LDB2: variants seen among roughly 807,000 people sequenced by gnomAD.
The protein encoded by LDB2 is LIM domain-binding protein 2.
LDB2 carries 12 observed loss-of-function variants against 44.3 expected under a neutral mutation model. The observed-to-expected ratio is 0.27, with a 90% CI of 0.17 to 0.44. The LOEUF (loss-of-function observed/expected upper bound fraction) is 0.44. Among genes scored for constraint, LDB2 ranks in the 20% least tolerant of loss-of-function variants. The probability of loss-of-function intolerance (pLI) is 1.00; values close to 1 mark genes in which losing one functional copy is unlikely to be tolerated. For missense variants in LDB2, 344 were observed against 473.5 expected (o/e 0.73, Z 2.54); for synonymous variants, 164 against 174.8 (o/e 0.94, Z 0.49).
intron 1 of LDB2, among the ~76,000 whole-genome samples, chr4:16,769,813 T>A (rs1468177302): frequency 6.6e-6 from 1 of 152,220 alleles, no homozygotes; most frequent in African/African-American, 2.4e-5. Flanking sequence ...CACTCACAAA[T>A]CAAGCCCTCC....
At chr4:16,673,054 C>T (rs937091394) in intron 2 of LDB2, among the ~76,000 whole-genome samples, 8 of 151,982 alleles carry the variant, frequency 5.3e-5, no homozygotes, top group Non-Finnish European at 2.9e-5. Context: ...CTCCCTCCAT[C>T]CTTCTTTTCT....
intron 2 of LDB2, among the ~76,000 whole-genome samples, chr4:16,601,306 A>G (rs1722519477): frequency 6.6e-6 from 1 of 152,184 alleles, no homozygotes; most frequent in South Asian, 2.1e-4. Context: ...CTGAAGTTCT[A>G]CAAGCCTTTT....
chr4:16,655,619 A>T (rs1385350677), intron 2 of LDB2, among the ~76,000 whole-genome samples: 3 of 152,192 alleles, frequency 2.0e-5, no homozygotes, highest in African/African-American at 7.2e-5. Flanking sequence ...TATCTGTTTG[A>T]TGGAGTGCAA....
rs1180998416 is a variant in LDB2 at position 16,582,337 on chromosome 4, G to C, written c.615+3585C>G. On this transcript the variant is annotated intron_variant, in intron 5 of 7. Transcript: ENST00000304523. This position sits in a 1 kb window ranked among gnomAD's most constrained non-coding sequence, Gnocchi z 4.8. ...TCCACAGCCAGGTCTCATTGACCCG[G>C]ATGGCCCAATGCGCACTAAACTGCA... 1.3e-5 allele frequency among the ~76,000 whole-genome samples: 2 copies of C among 152,206 alleles called. No individual in the cohort carries two copies. Among genetic ancestry groups the C allele is most frequent in the Non-Finnish European group, 2.9e-5 (2 of 68,034 alleles).
chr4:16,849,618 T>C (rs944713231), intron 1 of LDB2, among the ~76,000 whole-genome samples: 3 of 152,220 alleles, frequency 2.0e-5, no homozygotes, highest in Non-Finnish European at 4.4e-5. Context: ...ATGTATTAAC[T>C]CTTTGGGAGC....
At chr4:16,595,537 C>T (rs1374726161) in intron 3 of LDB2, among the ~76,000 whole-genome samples, 166 bp downstream of exon 3, 3 of 152,096 alleles carry the variant, frequency 2.0e-5, no homozygotes, top group African/African-American at 7.2e-5. Flanking sequence ...ACCGTGTTCA[C>T]CCCAAGAGTC....
At chr4:16,741,528 C>T (rs1763238753) in intron 2 of LDB2, 1 of 152,170 alleles carries the variant, frequency 6.6e-6, no homozygotes, top group Non-Finnish European at 1.5e-5. Context: ...GGCTGTGATG[C>T]ATAAGAACCT....
At chr4:16,796,972 G>A (rs975216705) in intron 1 of LDB2, among the ~76,000 whole-genome samples, 1 of 152,138 alleles carries the variant, frequency 6.6e-6, no homozygotes, top group African/African-American at 2.4e-5. Flanking sequence ...ACCCTATAGA[G>A]ACATGATGAC....
At chr4:16,681,151 A>G (rs1212028938) in intron 2 of LDB2, among the ~76,000 whole-genome samples, 1 of 152,206 alleles carries the variant, frequency 6.6e-6, no homozygotes, top group Non-Finnish European at 1.5e-5. Flanking sequence ...GAACCCTTTA[A>G]AAACAGAGTT....
At chr4:16,570,248 G>C (rs1007487024) in intron 5 of LDB2, among the ~76,000 whole-genome samples, 7 of 151,720 alleles carry the variant, frequency 4.6e-5, no homozygotes, top group African/African-American at 1.7e-4. Context: ...CGGATCACGA[G>C]GTCAGGAGAT....
intron 5 of LDB2, among the ~76,000 whole-genome samples, chr4:16,558,059 C>T (rs1183637575): frequency 6.6e-6 from 1 of 152,152 alleles, no homozygotes; most frequent in Non-Finnish European, 1.5e-5. Context: ...ACCAAAAACC[C>T]ATCTGTACAT....
intron 5 of LDB2, among the ~76,000 whole-genome samples, chr4:16,545,580 C>T (rs1735472811): frequency 6.6e-6 from 1 of 152,132 alleles, no homozygotes; most frequent in Non-Finnish European, 1.5e-5. Context: ...GAGAGCTCCC[C>T]AAAGAAGGGT....
intron 1 of LDB2, among the ~76,000 whole-genome samples, chr4:16,809,542 C>T (rs1390449955): frequency 6.6e-6 from 1 of 152,100 alleles, no homozygotes; most frequent in Non-Finnish European, 1.5e-5. Context: ...GCTGCAGTTA[C>T]CACTATGTAT....
intron 1 of LDB2, among the ~76,000 whole-genome samples, chr4:16,804,773 T>G (rs1417962821): frequency 6.6e-6 from 1 of 152,226 alleles, no homozygotes; most frequent in African/African-American, 2.4e-5. Context: ...TTATTTATTT[T>G]TTGCTGATTT....
At chr4:16,587,679 T>A (rs1452417158) in intron 4 of LDB2, among the ~76,000 whole-genome samples, 1 of 152,056 alleles carries the variant, frequency 6.6e-6, no homozygotes, top group Non-Finnish European at 1.5e-5. Flanking sequence ...TGACAACTAA[T>A]GCGTGGAGAA....
intron 5 of LDB2, among the ~76,000 whole-genome samples, chr4:16,518,591 C>T (rs1724773921): frequency 6.6e-6 from 1 of 151,918 alleles, no homozygotes; most frequent in African/African-American, 2.4e-5. Context: ...TTCTTACTGT[C>T]TATAGCTGCT....
intron 2 of LDB2, among the ~76,000 whole-genome samples, chr4:16,702,911 A>C (rs1753792303): frequency 6.6e-6 from 1 of 152,084 alleles, no homozygotes; most frequent in African/African-American, 2.4e-5. Flanking sequence ...CTCTACCCTC[A>C]TCCATGCCCC....
intron 1 of LDB2, among the ~76,000 whole-genome samples, chr4:16,863,998 C>A (rs1713728758): frequency 6.6e-6 from 1 of 152,108 alleles, no homozygotes; most frequent in Non-Finnish European, 1.5e-5. Context: ...GATGAAGAGG[C>A]TTCAAAGGAA....
intron 5 of LDB2, among the ~76,000 whole-genome samples, chr4:16,529,462 C>T (rs1043080140): frequency 3.3e-5 from 5 of 152,256 alleles, no homozygotes; most frequent in South Asian, 4.1e-4. Flanking sequence ...AGAAATGGGT[C>T]GGAGCTGAGG....
Sources: allele counts gnomAD v4.1 joint callset (sites outside exome capture counted in the v4.1 genomes callset), GRCh38; gene constraint gnomAD v4.1.1; non-coding constraint Gnocchi (gnomAD v3.1); transcripts MANE v1.5; gene names NCBI Gene and HGNC (gene_info 2026-07-23, HGNC 2026-07-21).